Variants in RRP1B observed in about 807,000 individuals in gnomAD.
RRP1B encodes the protein ribosomal RNA processing 1B, also known as ribosomal RNA processing protein 1 homolog B.
A neutral mutation model predicts 80.2 loss-of-function variants in RRP1B; 56 were observed. The ratio of observed to expected loss-of-function variants is 0.70; its 90% CI spans 0.56 to 0.87. RRP1B has a LOEUF of 0.87. Ranked by LOEUF, RRP1B falls within the 40% of genes least tolerant of loss-of-function variation. RRP1B has a pLI of 0.00. For synonymous variants in RRP1B, 351 were observed against 357.6 expected (o/e 0.98, Z 0.21); for missense variants, 807 against 939.8 (o/e 0.86, Z 1.85).
chr21:43,672,476 TA>T (rs2083003817), intron 3 of RRP1B, 111 bp downstream of exon 3: 1 of 921,976 alleles, frequency 1.1e-6, no homozygotes, highest in Admixed American at 1.9e-5. Context: ...TTCCTGTTTT[TA>T]AAAGCTGTGA....
chr21:43,667,022 A>G (rs1265036993), intron 1 of RRP1B, among the ~76,000 whole-genome samples: 1 of 140,870 alleles, frequency 7.1e-6, no homozygotes, highest in African/African-American at 2.7e-5. Flanking sequence ...TTAATAGTTA[A>G]GATTTGACAC....
intron 1 of RRP1B, among the ~76,000 whole-genome samples, chr21:43,664,165 G>A (rs971981467): frequency 2.6e-5 from 4 of 152,106 alleles, no homozygotes; most frequent in Admixed American, 6.5e-5. Flanking sequence ...TGGGCCGGGC[G>A]CAGTGGCTCA....
At chr21:43,681,046 C>G (rs2147170924) in intron 8 of RRP1B, among the ~76,000 whole-genome samples, 1 of 152,198 alleles carries the variant, frequency 6.6e-6, no homozygotes, top group East Asian at 1.9e-4. Flanking sequence ...TCGAGACCAG[C>G]CTGGCCAACA....
intron 1 of RRP1B, among the ~76,000 whole-genome samples, chr21:43,661,592 G>T (rs193291474): frequency 2.6e-5 from 4 of 152,172 alleles, no homozygotes; most frequent in Admixed American, 2.0e-4. Flanking sequence ...AAACTTCTGC[G>T]CCCGCATATT....
chr21:43,663,475 T>C (rs1343400720), intron 1 of RRP1B, among the ~76,000 whole-genome samples: 3 of 152,210 alleles, frequency 2.0e-5, no homozygotes, highest in Non-Finnish European at 4.4e-5. Flanking sequence ...CAGGCTGGTC[T>C]TGAGCTCCTG....
chr21:43,690,170 G>A (rs142725453), intron 13 of RRP1B, 118 bp from the exon 14 acceptor site: 14 of 1,166,992 alleles, frequency 1.2e-5, no homozygotes, highest in South Asian at 3.1e-5. Flanking sequence ...GGAAGACCGC[G>A]GGCCGTCGGG....
rs1295650149 is a variant in RRP1B at position 43,693,734 on chromosome 21, G to A, written c.*351G>A. ...ATCAGTGCTGCTGGCACAATGAAAG[G>A]TGGAACTGCACTTCTGTTGAGCTCT... is the stretch of plus-strand genomic sequence containing the variant. On this transcript the variant is annotated 3_prime_UTR_variant, in exon 16 of 16. Transcript: ENST00000340648. This position sits in a 1 kb window ranked among gnomAD's most constrained non-coding sequence, Gnocchi z 4.1. The A allele has an allele frequency of 9.6e-6, 2 of 207,388 alleles. No individual in the cohort carries two copies. The highest frequency in any genetic ancestry group is 1.2e-4 in the Admixed American group (2 of 16,452). 12.8% of individuals were successfully genotyped at this position (207,388 alleles called of 1,614,324 possible).
chr21:43,684,269 T>C (rs2083054954), intron 9 of RRP1B, among the ~76,000 whole-genome samples: 1 of 151,806 alleles, frequency 6.6e-6, no homozygotes, highest in African/African-American at 2.4e-5. Context: ...GACGGGGTTT[T>C]GCCGTGTTAG....
rs139015938 is a variant in RRP1B at position 43,666,466 on chromosome 21, C to A, written c.131-3418C>A. On this transcript the variant is annotated intron_variant, in intron 1 of 15. Transcript: ENST00000340648. ...AGGCCTGGTGGCTCACGCCTGTAAT[C>A]CCAGCACTATGGGAGGCCAAGGTGG... is the stretch of plus-strand genomic sequence containing the variant. Among the ~76,000 whole-genome samples the A allele has an allele frequency of 1.4e-3, 220 of 152,336 alleles. 1 individual carries two copies. Among genetic ancestry groups the A allele is most frequent in the African/African-American group, 5.1e-3 (210 of 41,572 alleles).
chr21:43,677,153 A>C (rs2083026243), intron 8 of RRP1B, among the ~76,000 whole-genome samples: 1 of 152,128 alleles, frequency 6.6e-6, no homozygotes, highest in African/African-American at 2.4e-5. Flanking sequence ...TGTACCTCTC[A>C]GGATCTCAGG....
At chr21:43,673,570 G>C (rs1204581829) in intron 3 of RRP1B, among the ~76,000 whole-genome samples, 1 of 149,524 alleles carries the variant, frequency 6.7e-6, no homozygotes, top group Non-Finnish European at 1.5e-5. Context: ...GGAGGCAGAG[G>C]TTGCAATGAG....
At chr21:43,664,596 C>T (rs1192400204) in intron 1 of RRP1B, among the ~76,000 whole-genome samples, 2 of 152,188 alleles carry the variant, frequency 1.3e-5, no homozygotes, top group Non-Finnish European at 2.9e-5. Context: ...GGTTTGTTTC[C>T]GTGCTACTCT....
intron 8 of RRP1B, among the ~76,000 whole-genome samples, chr21:43,680,501 T>G (rs1405271249): frequency 1.3e-5 from 2 of 151,376 alleles, no homozygotes; most frequent in African/African-American, 4.9e-5. Context: ...GAGGCGGAGG[T>G]TGCAGTGAGC....
At chr21:43,676,658 C>T in intron 7 of RRP1B, 75 bp from the exon 8 acceptor site, 1 of 1,354,762 alleles carries the variant, frequency 7.4e-7, no homozygotes, top group South Asian at 1.3e-5. Flanking sequence ...GCAGGGCTTC[C>T]CTCTGTGCCC....
At position 43,675,033 on chromosome 21, in the gene RRP1B, G is replaced by A. The variant is rs2083016059; in HGVS notation, c.420-1G>A. On this transcript the variant is annotated splice_acceptor_variant, in intron 5 of 15. Coordinates refer to ENST00000340648, the MANE Select transcript of RRP1B (RefSeq NM_015056.3). LOFTEE classifies it high-confidence loss of function. ...ACAGAAGCATGCGTTTGGTTCTTTA[G>A]CCGAATCAAGGTTTTCTTGGATGTC... is the stretch of plus-strand genomic sequence containing the variant. 2 of 1,613,784 alleles carry A rather than the reference G, an allele frequency of 1.2e-6. No individual in the cohort carries two copies.
At chr21:43,673,770 ATAAT>A (rs2083009656) in intron 3 of RRP1B, 96 bp from the exon 4 acceptor site, 1 of 674,042 alleles carries the variant, frequency 1.5e-6, no homozygotes, top group Admixed American at 2.4e-5. Context: ...AGAAAAGTGA[ATAAT>A]AAATAATGCT....
chr21:43,687,035 T>A, intron 12 of RRP1B, 100 bp downstream of exon 12: 6 of 1,296,906 alleles, frequency 4.6e-6, no homozygotes, highest in Non-Finnish European at 6.4e-6. Context: ...TCATAAAGCA[T>A]TAGCAGAGCC....
intron 4 of RRP1B, 144 bp downstream of exon 4, chr21:43,674,099 TTC>T (rs2083011358): frequency 3.2e-6 from 2 of 619,662 alleles, no homozygotes; most frequent in South Asian, 2.5e-5. Flanking sequence ...CCTGGAAAGC[TTC>T]TCTGTTTTGG....
chr21:43,683,628 C>T (rs919457363), intron 9 of RRP1B, among the ~76,000 whole-genome samples: 1 of 152,134 alleles, frequency 6.6e-6, no homozygotes, highest in Non-Finnish European at 1.5e-5. Flanking sequence ...ACCACAGAGC[C>T]AGCTCTAGTG....
Sources: gnomAD v4.1 joint callset for allele counts (sites outside exome capture counted in the v4.1 genomes callset) on GRCh38, gnomAD v4.1.1 for gene constraint, Gnocchi (gnomAD v3.1) non-coding constraint, MANE v1.5 for transcripts, NCBI Gene and HGNC (gene_info 2026-07-23, HGNC 2026-07-21) for gene names.